LRBA: variants seen among roughly 807,000 people sequenced by gnomAD.
The protein encoded by LRBA is lipopolysaccharide-responsive and beige-like anchor protein.
LRBA carries 176 observed loss-of-function variants against 330.0 expected under a neutral mutation model. The ratio of observed to expected loss-of-function variants is 0.53; its 90% CI spans 0.47 to 0.60. LRBA has a LOEUF of 0.60. LRBA is among the 20% of genes least tolerant of loss of function. The pLI, the probability that LRBA is intolerant of heterozygous loss-of-function variation, is 0.00. For missense variants in LRBA, 3,259 were observed against 3,444.8 expected, an observed-to-expected ratio of 0.95 and a Z score of 1.35; for synonymous variants, 1,230 against 1,193.0, an observed-to-expected ratio of 1.03 and a Z score of -0.64.
intron 50 of LRBA, among the ~76,000 whole-genome samples, chr4:150,317,409 A>G (rs924414842): frequency 2.6e-5 from 4 of 152,146 alleles, no homozygotes; most frequent in African/African-American, 9.7e-5. Context: ...AATACTGATA[A>G]AACACCTAAG....
At chr4:150,581,467 C>A (rs1266667770) in intron 40 of LRBA, 3 of 308,842 alleles carry the variant, frequency 9.7e-6, no homozygotes, top group South Asian at 5.8e-5. Flanking sequence ...ATTCCCCTTT[C>A]GCTTCCCATT....
At chr4:150,902,600 A>G (rs1051530724) in intron 13 of LRBA, among the ~76,000 whole-genome samples, 4 of 152,248 alleles carry the variant, frequency 2.6e-5, no homozygotes, top group Admixed American at 2.0e-4. Flanking sequence ...GGAAACCTCT[A>G]AAGGTTATTT....
chr4:150,425,299 A>C (rs560723254), intron 46 of LRBA, among the ~76,000 whole-genome samples: 28 of 152,350 alleles, frequency 1.8e-4, no homozygotes, highest in Non-Finnish European at 3.2e-4. Context: ...ACATCAGTGG[A>C]AAATGATAAG....
chr4:150,882,292 A>G (rs1356519002), intron 17 of LRBA, among the ~76,000 whole-genome samples: 1 of 152,238 alleles, frequency 6.6e-6, no homozygotes, highest in Non-Finnish European at 1.5e-5. Context: ...TTTATCTGCT[A>G]AACATCAGCA....
At chr4:150,286,240 A>G (rs1427001506) in intron 53 of LRBA, among the ~76,000 whole-genome samples, 2 of 152,208 alleles carry the variant, frequency 1.3e-5, no homozygotes, top group African/African-American at 4.8e-5. Flanking sequence ...AGTAACCTTT[A>G]TGTGATTATC....
At position 150,282,472 on chromosome 4, in the gene LRBA, A is replaced by G; in HGVS notation, c.8294T>C (p.Met2765Thr). 5 of 1,614,134 alleles carry G rather than the reference A, an allele frequency of 3.1e-6. No individual in the cohort carries two copies. The highest frequency in any genetic ancestry group is 4.2e-6 in the Non-Finnish European group (5 of 1,179,998). ...FSVNGKLQATMETDDNIRAIQ... is the reference protein window; with the variant it reads ...FSVNGKLQATTETDDNIRAIQ... ...CACTCTTATGTTATCATCTGTTTCC[A>G]TCGTGGCCTGGAGTTTTCCATTCAC... Residue 2765 changes from methionine to threonine, a missense_variant, in exon 55 of 57, where the codon ATG becomes ACG. Physicochemically the swap from Met to Thr is moderately conservative, Grantham distance 81 (BLOSUM62 -1). Coordinates refer to ENST00000651943, the MANE Select transcript of LRBA (RefSeq NM_001364905.1).
chr4:150,311,032 C>G (rs1226161648), intron 51 of LRBA: 1 of 152,150 alleles, frequency 6.6e-6, no homozygotes, highest in African/African-American at 2.4e-5. Context: ...AGCAATAAAA[C>G]AAGACAGCCT....
intron 4 of LRBA, among the ~76,000 whole-genome samples, chr4:150,924,320 T>G (rs1045678697): frequency 2.6e-5 from 4 of 152,090 alleles, no homozygotes; most frequent in African/African-American, 9.7e-5. Context: ...GAGACCAGCC[T>G]GGGCAACATG....
At chr4:150,391,416 T>C (rs1030495911) in intron 47 of LRBA, among the ~76,000 whole-genome samples, 1 of 152,180 alleles carries the variant, frequency 6.6e-6, no homozygotes, top group Non-Finnish European at 1.5e-5. Flanking sequence ...AAGATTTATT[T>C]TGGGAGAAAC....
At chr4:150,357,128 T>C (rs1737952186) in intron 47 of LRBA, among the ~76,000 whole-genome samples, 1 of 152,046 alleles carries the variant, frequency 6.6e-6, no homozygotes, top group Non-Finnish European at 1.5e-5. Context: ...TAAACTGCCC[T>C]TGAACTGTTG....
intron 46 of LRBA, chr4:150,423,373 C>A (rs1749096463): frequency 3.1e-6 from 2 of 651,330 alleles, no homozygotes; most frequent in Non-Finnish European, 5.5e-6. Flanking sequence ...CCCACTTGCT[C>A]CCGGGCCTGC....
intron 2 of LRBA, among the ~76,000 whole-genome samples, chr4:150,967,921 T>G (rs1739087098): frequency 6.6e-6 from 1 of 152,052 alleles, no homozygotes; most frequent in Non-Finnish European, 1.5e-5. Context: ...CCCTATTATC[T>G]GAGACATAAC....
At chr4:150,597,042 A>C (rs774674456) in intron 38 of LRBA, 1 of 1,031,108 alleles carries the variant, frequency 9.7e-7, no homozygotes, top group East Asian at 2.7e-5. Context: ...GGAGTATGAC[A>C]ATAATCATAA....
rs1750723472 is a variant in LRBA at position 150,852,422 on chromosome 4, G to C, written c.3288C>G (p.Phe1096Leu). Residue 1096 changes from phenylalanine (F) to leucine (L), a missense_variant, in exon 23 of 57, where the codon TTC (phenylalanine) becomes TTG (leucine). Transcript: ENST00000651943. ...SEEDASEMPE[F>L]LDKSIVEEEE... ...CTTCCTCTACTATAGATTTATCCAAGAATTCTGGCATCTCTGAGGCATCCT... is the reference window on the plus strand; with the variant it reads ...CTTCCTCTACTATAGATTTATCCAACAATTCTGGCATCTCTGAGGCATCCT... 6.2e-7 allele frequency: 1 copy of C among 1,613,442 alleles called. No individual in the cohort carries two copies. The highest frequency in any genetic ancestry group is 1.1e-5 in the South Asian group (1 of 91,070).
chr4:150,912,704 T>A (rs1732148170), intron 9 of LRBA, among the ~76,000 whole-genome samples: 1 of 152,170 alleles, frequency 6.6e-6, no homozygotes, highest in South Asian at 2.1e-4. Flanking sequence ...ATTTCATTTA[T>A]TTCTGCTCGG....
At chr4:150,600,570 T>C (rs1413683884) in intron 37 of LRBA, among the ~76,000 whole-genome samples, 1 of 152,024 alleles carries the variant, frequency 6.6e-6, no homozygotes, top group African/African-American at 2.4e-5. Context: ...AATATTTCCT[T>C]GGGTGATTTT....
intron 48 of LRBA, among the ~76,000 whole-genome samples, chr4:150,346,619 C>A (rs990068043): frequency 6.6e-6 from 1 of 151,558 alleles, no homozygotes; most frequent in Non-Finnish European, 1.5e-5. Context: ...ATTAGCCGGG[C>A]ATGGTGGTGC....
At chr4:150,598,394 T>A (rs1773740803) in intron 38 of LRBA, among the ~76,000 whole-genome samples, 1 of 152,166 alleles carries the variant, frequency 6.6e-6, no homozygotes, top group Admixed American at 6.5e-5. Flanking sequence ...TGAATCATAG[T>A]CATATGCATT....
At chr4:150,622,855 G>C (rs6849710) in intron 37 of LRBA, among the ~76,000 whole-genome samples, 1,585 of 152,084 alleles carry the variant, frequency 0.01, 14 homozygotes, top group Non-Finnish European at 0.017. Flanking sequence ...CCGCCACCGC[G>C]CCCAGCTAAT....
Sources: gnomAD v4.1 joint callset for allele counts (sites outside exome capture counted in the v4.1 genomes callset) on GRCh38, gnomAD v4.1.1 for gene constraint, MANE v1.5 for transcripts, NCBI Gene and HGNC (gene_info 2026-07-23, HGNC 2026-07-21) for gene names.